Variants in NOS2 observed in about 807,000 individuals in gnomAD.
NOS2 encodes the protein nitric oxide synthase 2, also known as nitric oxide synthase, inducible.
A neutral mutation model predicts 136.0 loss-of-function variants in NOS2; 96 were observed. The observed-to-expected ratio is 0.71, with a 90% CI of 0.60 to 0.84. The LOEUF (loss-of-function observed/expected upper bound fraction) is 0.84. Ranked by LOEUF, NOS2 falls within the 40% of genes least tolerant of loss-of-function variation. The pLI is 0.00. For missense variants in NOS2, 1,237 were observed against 1,496.9 expected (o/e 0.83, Z 2.87); for synonymous variants, 539 against 587.5 (o/e 0.92, Z 1.20).
Position 27,767,764 on chromosome 17 carries a change from G to C in NOS2, c.2108C>G (p.Thr703Ser). The C allele has an allele frequency of 6.2e-7, 1 of 1,613,290 alleles. No individual in the cohort carries two copies. The highest frequency in any genetic ancestry group is 8.5e-7 in the Non-Finnish European group (1 of 1,180,022). Residue 703 changes from threonine (T) to serine (S), a missense_variant, in exon 18 of 27, where the codon ACC becomes AGC. By Grantham distance (58) the Thr-to-Ser change is moderately conservative. Around this residue, in one of 3 missense-constraint regions of NOS2, gnomAD observed 782 missense variants for 909.9 expected, o/e 0.86. Transcript: ENST00000313735. ...QIPKLYTSNVTWDPHHYRLVQ... is the reference protein window; with the variant it reads ...QIPKLYTSNVSWDPHHYRLVQ... Reference sequence around the variant, plus strand: ...GAGCCTGTAGTGGTGCGGGTCCCAGGTCACATTGGAGGTGTAGAGCTTGGG... The same window carrying C: ...GAGCCTGTAGTGGTGCGGGTCCCAGCTCACATTGGAGGTGTAGAGCTTGGG...
chr17:27,763,991 G>A lies in NOS2; in HGVS notation c.2582C>T (p.Ala861Val). ...AGCCCTGATCTTCACCTGGCACAGG[G>A]CCTCCAGCCTCTGTCTCTCAGGCTC... ...TEEPERQRLE[A>V]LCQPSEYSKW... is the part of the protein sequence containing the mutation. The change falls in exon 21 of 27, where the codon GCC (alanine) becomes GTC (valine). Residue 861 changes from alanine to valine, a missense_variant. Transcript: ENST00000313735. The A allele has an allele frequency of 3.1e-6, 5 of 1,612,744 alleles. No homozygotes were observed. The highest frequency in any genetic ancestry group is 4.2e-6 in the Non-Finnish European group (5 of 1,179,460).
intron 11 of NOS2, among the ~76,000 whole-genome samples, chr17:27,777,229 G>A (rs1908688044): frequency 6.6e-6 from 1 of 152,252 alleles, no homozygotes; most frequent in African/African-American, 2.4e-5. Flanking sequence ...CCAGCCTAGT[G>A]CCCAGCACCA....
At chr17:27,772,040 C>T in intron 14 of NOS2, among the ~76,000 whole-genome samples, 1 of 152,232 alleles carries the variant, frequency 6.6e-6, no homozygotes, top group East Asian at 1.9e-4. Flanking sequence ...GAATAAAGTT[C>T]AGCCAGAGCA....
chr17:27,775,072 A>G (rs958837680), intron 11 of NOS2, among the ~76,000 whole-genome samples: 8 of 152,246 alleles, frequency 5.3e-5, no homozygotes, highest in Non-Finnish European at 1.0e-4. Flanking sequence ...ACATTTGTTT[A>G]ACACAGTGGT....
chr17:27,789,434 C>T (rs1173630606), intron 3 of NOS2, among the ~76,000 whole-genome samples, 170 bp downstream of exon 3: 1 of 152,294 alleles, frequency 6.6e-6, no homozygotes, highest in East Asian at 1.9e-4. Context: ...TCTCCCAAAG[C>T]CCTTCCTCAT....
chr17:27,789,138 C>T (rs1441104296), intron 3 of NOS2, among the ~76,000 whole-genome samples: 1 of 152,230 alleles, frequency 6.6e-6, no homozygotes, highest in African/African-American at 2.4e-5. Flanking sequence ...GTCCTCTCCT[C>T]ACCCAGGGCC....
At chr17:27,795,600 C>G (rs2142530739) in intron 2 of NOS2, among the ~76,000 whole-genome samples, 1 of 152,264 alleles carries the variant, frequency 6.6e-6, no homozygotes, top group African/African-American at 2.4e-5. Context: ...ATGCAGGGGT[C>G]CCTCTGGACT....
rs541551202 is a variant in NOS2 at position 27,767,969 on chromosome 17, A to C, written c.2035-132T>G. 1.9e-5 allele frequency: 22 copies of C among 1,130,868 alleles called. No individual in the cohort carries two copies. The South Asian group carries it at 3.2e-4, about 16-fold the overall frequency. The allele number at this position is 1,130,868 out of a possible 1,614,324, so 70.1% of individuals were successfully genotyped here. A position where few individuals can be genotyped will look rare whatever the true frequency, so the allele number is the denominator to read the frequency against. On this transcript the variant is annotated intron_variant, in intron 17 of 26. Transcript: ENST00000313735. ...TGTGTTTCGTGTAACTTCGAAGCAC[A>C]CTTACCTGATAGGGTGACAGCAAGG...
At chr17:27,765,409 G>T in intron 20 of NOS2, 126 bp downstream of exon 20, 3 of 839,064 alleles carry the variant, frequency 3.6e-6, no homozygotes, top group Non-Finnish European at 3.6e-6. Context: ...CATAAGCTTT[G>T]GTGGCCCGCC....
Position 27,765,566 on chromosome 17 carries a change from C to A in NOS2, c.2397G>T (p.Gln799His), listed in dbSNP as rs1017065324. Residue 799 changes from glutamine to histidine, a missense_variant, in exon 20 of 27, where the codon CAG becomes CAT. Transcript: ENST00000313735. ...CATCCAGGGCCTCCAGGCGCACTGT[C>A]TGGTGGGGTGTGGGGCCATCCACCA... ...ERVVDGPTPH[Q>H]TVRLEALDES... 4 of 1,610,646 alleles carry A rather than the reference C, an allele frequency of 2.5e-6. No individual in the cohort carries two copies. In the African/African-American group the frequency reaches 5.3e-5, roughly 22 times the overall value.
At chr17:27,781,553 C>T (rs1427294189) in intron 7 of NOS2, among the ~76,000 whole-genome samples, 1 of 152,232 alleles carries the variant, frequency 6.6e-6, no homozygotes, top group Non-Finnish European at 1.5e-5. Context: ...CATCTTCCCC[C>T]TGCTCTCCCA....
chr17:27,781,352 C>T (rs1597554179), intron 7 of NOS2, among the ~76,000 whole-genome samples, 175 bp from the exon 8 acceptor site: 1 of 152,198 alleles, frequency 6.6e-6, no homozygotes, highest in African/African-American at 2.4e-5. Flanking sequence ...GACCCAGGGT[C>T]CACCCCCTCA....
chr17:27,766,908 C>T (rs1227823849), intron 18 of NOS2, among the ~76,000 whole-genome samples: 1 of 147,202 alleles, frequency 6.8e-6, no homozygotes, highest in Admixed American at 7.1e-5. Context: ...CCCAGCTACA[C>T]GAGAATCACT....
chr17:27,788,009 C>A (rs993372877), intron 4 of NOS2, among the ~76,000 whole-genome samples, 183 bp from the exon 5 acceptor site: 2 of 152,194 alleles, frequency 1.3e-5, no homozygotes, highest in Admixed American at 6.5e-5. Flanking sequence ...GATCTCCTCT[C>A]TTCCACTGGC....
chr17:27,773,606 T>C (rs549540834), intron 12 of NOS2, among the ~76,000 whole-genome samples: 41 of 152,208 alleles, frequency 2.7e-4, no homozygotes, highest in African/African-American at 9.9e-4. Flanking sequence ...GAAGAGCTGC[T>C]ACTACAACAG....
rs1908274422 is a variant in NOS2, at chr17:27,765,616, G to A, written c.2347C>T (p.Leu783=). The change falls in exon 20 of 27, where the codon CTG becomes TTG. Residue 783 remains leucine, a synonymous_variant. Transcript: ENST00000313735. ...ACTCGCTCCAGGATACCTTGGACCAGGGCCGGCTGGTTGCCTGGGCAAACC... is the reference window on the plus strand; with the variant it reads ...ACTCGCTCCAGGATACCTTGGACCAAGGCCGGCTGGTTGCCTGGGCAAACC... ...LGVCPGNQPA[L]VQGILERVVD... is the part of the protein sequence containing the mutation. 6.2e-7 allele frequency: 1 copy of A among 1,612,948 alleles called. No individual in the cohort carries two copies. Among genetic ancestry groups the A allele is most frequent in the Admixed American group, 1.7e-5 (1 of 59,992 alleles).
intron 3 of NOS2, 141 bp downstream of exon 3, chr17:27,789,463 A>G (rs1010796309): frequency 4.7e-5 from 32 of 678,638 alleles, no homozygotes; most frequent in Middle Eastern, 4.1e-4. Flanking sequence ...GTTCCCCCCA[A>G]CACCCCGGGT....
At position 27,756,883 on chromosome 17, in the gene NOS2, ATAAC is replaced by A. The variant is rs1433005540; in HGVS notation, c.*359_*362del. 2 of 225,174 alleles carry A rather than the reference ATAAC, an allele frequency of 8.9e-6. No individual in the cohort carries two copies. Among genetic ancestry groups the A allele is most frequent in the Non-Finnish European group, 1.7e-5 (2 of 116,760 alleles). 13.9% of individuals were successfully genotyped at this position (225,174 alleles called of 1,614,324 possible). A position where few individuals can be genotyped will look rare whatever the true frequency, so the allele number is the denominator to read the frequency against. On this transcript the variant is annotated 3_prime_UTR_variant, in exon 27 of 27. Coordinates refer to ENST00000313735, the MANE Select transcript of NOS2 (RefSeq NM_000625.4). ...TAGTTTTTTAAATACAGAGGCATAA[ATAAC>A]TGTACACAAGGCAGTTAAATACACA...
At chr17:27,758,189 G>A (rs1217133246) in intron 26 of NOS2, among the ~76,000 whole-genome samples, 16 of 152,206 alleles carry the variant, frequency 1.1e-4, no homozygotes, top group Admixed American at 1.0e-3. Context: ...TAAATGTTCA[G>A]TTGAACGTAT....
Sources: allele counts gnomAD v4.1 joint callset (sites outside exome capture counted in the v4.1 genomes callset), GRCh38; gene constraint gnomAD v4.1.1; regional missense constraint gnomAD v4.1.1; transcripts MANE v1.5; gene names NCBI Gene and HGNC (gene_info 2026-07-23, HGNC 2026-07-21).